The following RHCE variants were observed in gnomAD, a reference collection of about 807,000 sequenced individuals.
RHCE encodes the protein Rh blood group CcEe antigens.
In RHCE, 22 loss-of-function variants were observed where a neutral mutation model predicts 43.8. The ratio of observed to expected loss-of-function variants is 0.50; its 90% confidence interval spans 0.36 to 0.72. RHCE has a LOEUF of 0.72. Among genes scored for constraint, RHCE ranks in the 30% least tolerant of loss-of-function variants. The probability of loss-of-function intolerance (pLI) is 0.00; values close to 1 mark genes in which losing one functional copy is unlikely to be tolerated. For missense variants in RHCE, 385 were observed against 525.4 expected (o/e 0.73, Z 2.61); for synonymous variants, 156 against 210.7 (o/e 0.74, Z 2.25).
At chr1:25,394,359 C>T (rs952921730) in intron 3 of RHCE, among the ~76,000 whole-genome samples, 7 of 152,044 alleles carry the variant, frequency 4.6e-5, no homozygotes, top group African/African-American at 1.7e-4. Context: ...TCCCAGCACC[C>T]TGCCATTGTT....
intron 7 of RHCE, among the ~76,000 whole-genome samples, chr1:25,377,242 C>A (rs1284300459): frequency 6.6e-6 from 1 of 152,006 alleles, no homozygotes; most frequent in Non-Finnish European, 1.5e-5. Flanking sequence ...ATATGCATGA[C>A]CTTGCAAATT....
chr1:25,391,709 C>T (rs1646372313), intron 4 of RHCE, among the ~76,000 whole-genome samples: 1 of 152,152 alleles, frequency 6.6e-6, no homozygotes, highest in African/African-American at 2.4e-5. Flanking sequence ...TTGTCCGTTT[C>T]CCTCCTTTCA....
chr1:25,392,687 C>T (rs1287127862), intron 3 of RHCE, among the ~76,000 whole-genome samples: 1 of 150,716 alleles, frequency 6.6e-6, no homozygotes, highest in Non-Finnish European at 1.5e-5. Flanking sequence ...CCTCCCACCT[C>T]AGCCTCCTAA....
In RHCE at chr1:25,392,051, TG is replaced by T; in HGVS notation, c.576del (p.Lys193ArgfsTer36). ...TVAWCLPKPLPKGTEDNDQRA... is the reference protein window; with the variant it reads ...TVAWCLPKPLXKGTEDNDQRA... ...CTCTGATCATTATCCTCCGTTCCCT[TG>T]GGTAGAGGCTTTGGCAGGCACCAGG... is the stretch of plus-strand genomic sequence containing the variant. On this transcript the variant is annotated frameshift_variant, in exon 4 of 10. Coordinates refer to ENST00000294413, the MANE Select transcript of RHCE (RefSeq NM_020485.8). LOFTEE classifies it high-confidence loss of function. The T allele has an allele frequency of 6.2e-7, 1 of 1,614,022 alleles. No homozygotes were observed. The highest frequency in any genetic ancestry group is 8.5e-7 in the Non-Finnish European group (1 of 1,180,024).
In RHCE at chr1:25,417,147, A is replaced by T. The variant is rs1647595765; in HGVS notation, c.148+3492T>A. 3.3e-5 allele frequency among the ~76,000 whole-genome samples: 3 copies of T among 90,196 alleles called. No individual in the cohort carries two copies. In the South Asian group the frequency reaches 7.4e-4, roughly 22 times the overall value. 59.2% of individuals were successfully genotyped at this position (90,196 alleles called of 152,430 possible). ...ACAGATAGAGCCTTAAAAAACAAAAACAAAAAAAAAACCCACCATGCTTTT... is the reference window on the plus strand; with the variant it reads ...ACAGATAGAGCCTTAAAAAACAAAATCAAAAAAAAAACCCACCATGCTTTT... On this transcript the variant is annotated intron_variant, in intron 1 of 9. Transcript: ENST00000294413.
At chr1:25,368,949 C>T (rs151147804) in intron 9 of RHCE, among the ~76,000 whole-genome samples, 24 of 151,760 alleles carry the variant, frequency 1.6e-4, no homozygotes, top group South Asian at 6.2e-4. Context: ...TTAGTGGAGA[C>T]GGGGTTTCAC....
intron 2 of RHCE, among the ~76,000 whole-genome samples, chr1:25,403,534 G>C (rs1001098785): frequency 6.7e-6 from 1 of 148,926 alleles, no homozygotes; most frequent in African/African-American, 2.5e-5. Context: ...AGGTTCTTAT[G>C]ATCCAAAAAA....
rs1190942791 is a variant in RHCE at position 25,412,714 on chromosome 1, T to TAAA, written c.149-3846_149-3845insTTT. On this transcript the variant is annotated intron_variant, in intron 1 of 9. Transcript: ENST00000294413. ...TAGGCGACAGAGGGAGACCCTTTTT[T>TAAA]TAAAAAAAAAAAAAAAAAAAAAAAA... 6.0e-5 allele frequency among the ~76,000 whole-genome samples: 6 copies of TAAA among 100,430 alleles called. 1 individual carries two copies. The highest frequency in any genetic ancestry group is 9.5e-5 in the Non-Finnish European group (5 of 52,542). 65.9% of individuals were successfully genotyped at this position (100,430 alleles called of 152,430 possible).
rs540282661 is a variant in RHCE at position 25,402,102 on chromosome 1, C to G, written c.486+494G>C. 2.9e-3 allele frequency among the ~76,000 whole-genome samples: 447 copies of G among 152,148 alleles called. 2 individuals are homozygous for G. Among genetic ancestry groups the G allele is most frequent in the Non-Finnish European group, 3.0e-3 (205 of 67,998 alleles). ...ATGTTGACCAGGCTGGTCTTGAACT[C>G]CTGACCTCAGGTGATCTGCCCTCCT... is the stretch of plus-strand genomic sequence containing the variant. On this transcript the variant is annotated intron_variant, in intron 3 of 9. Coordinates refer to ENST00000294413, the MANE Select transcript of RHCE (RefSeq NM_020485.8).
chr1:25,394,047 G>A (rs905603403), intron 3 of RHCE, among the ~76,000 whole-genome samples: 5 of 152,128 alleles, frequency 3.3e-5, no homozygotes. Context: ...GGAGTGCAGT[G>A]GTGCCATCTT....
At chr1:25,392,412 C>T (rs1247381694) in intron 3 of RHCE, among the ~76,000 whole-genome samples, 1 of 152,140 alleles carries the variant, frequency 6.6e-6, no homozygotes, top group East Asian at 1.9e-4. Context: ...CAGGCATGCG[C>T]CACTACGCTG....
exon 1 of RHCE, chr1:25,430,166 C>G (rs1056463968): frequency 6.6e-6 from 1 of 152,004 alleles, no homozygotes; most frequent in Non-Finnish European, 1.5e-5. Flanking sequence ...GGAGCCCGGG[C>G]CGCACCGCCG....
At chr1:25,385,282 G>A (rs1646117365) in intron 7 of RHCE, among the ~76,000 whole-genome samples, 1 of 152,192 alleles carries the variant, frequency 6.6e-6, no homozygotes. Context: ...GCCCTGTGAG[G>A]GGAGATAGTA....
At chr1:25,408,621 C>G in intron 2 of RHCE, 62 bp downstream of exon 2, 1 of 1,086,770 alleles carries the variant, frequency 9.2e-7, no homozygotes, top group Non-Finnish European at 1.3e-6. Flanking sequence ...TCTTCTGGAA[C>G]CTGTCCTTTC....
At chr1:25,400,842 A>T (rs985019980) in intron 3 of RHCE, among the ~76,000 whole-genome samples, 1 of 152,116 alleles carries the variant, frequency 6.6e-6, no homozygotes, top group African/African-American at 2.4e-5. Flanking sequence ...CCAGATGAGA[A>T]CCTTGAAGTC....
chr1:25,376,915 A>G (rs1645806149), intron 7 of RHCE, among the ~76,000 whole-genome samples: 1 of 150,638 alleles, frequency 6.6e-6, no homozygotes, highest in African/African-American at 2.4e-5. Context: ...CTCCATCTCA[A>G]AAAAAAAAGA....
intron 5 of RHCE, 152 bp from the exon 6 acceptor site, chr1:25,389,265 C>G (rs1236693084): frequency 4.7e-5 from 65 of 1,371,078 alleles, no homozygotes; most frequent in Non-Finnish European, 6.3e-5. Context: ...GTTGGGGCTA[C>G]GTGTCCTTCA....
intron 1 of RHCE, 96 bp downstream of exon 1, chr1:25,420,543 T>C: frequency 5.6e-6 from 9 of 1,610,470 alleles, no homozygotes; most frequent in Non-Finnish European, 7.6e-6. Flanking sequence ...CGGGATTTTG[T>C]AGAAAGGAAC....
chr1:25,385,522 G>A, intron 7 of RHCE, 189 bp downstream of exon 7: 2 of 843,720 alleles, frequency 2.4e-6, no homozygotes, highest in Non-Finnish European at 3.9e-6. Flanking sequence ...AGGTGGCCTG[G>A]AGAGGTGATA....
Sources: allele counts gnomAD v4.1 joint callset (sites outside exome capture counted in the v4.1 genomes callset), GRCh38; gene constraint gnomAD v4.1.1; transcripts MANE v1.5; gene names NCBI Gene and HGNC (gene_info 2026-07-23, HGNC 2026-07-21).